Variants in SLC15A5 observed in about 807,000 individuals in gnomAD.
The protein encoded by SLC15A5 is solute carrier family 15 member 5.
Under a neutral mutation model 56.1 loss-of-function variants are expected in SLC15A5, and 58 were observed. The ratio of observed to expected loss-of-function variants is 1.03; its 90% CI spans 0.84 to 1.29. The LOEUF is 1.29. Ranked by LOEUF, SLC15A5 falls within the 50% of genes most tolerant of loss-of-function variation. SLC15A5 has a pLI of 0.00. For synonymous variants in SLC15A5, 264 were observed against 250.5 expected (o/e 1.05, Z -0.51); for missense variants, 681 against 672.1 (o/e 1.01, Z -0.15).
chr12:16,218,492 C>T (rs567006440), intron 6 of SLC15A5, among the ~76,000 whole-genome samples: 9 of 152,024 alleles, frequency 5.9e-5, no homozygotes, highest in African/African-American at 1.4e-4. Context: ...ATCGAGTATA[C>T]GTATACAAAC....
At chr12:16,244,231 G>C (rs1864439917) in intron 4 of SLC15A5, among the ~76,000 whole-genome samples, 1 of 152,144 alleles carries the variant, frequency 6.6e-6, no homozygotes, top group Non-Finnish European at 1.5e-5. Flanking sequence ...AGGGAGGAAG[G>C]CAAAACCTTT....
chr12:16,248,083 T>C (rs533369042), intron 3 of SLC15A5, among the ~76,000 whole-genome samples: 78 of 152,102 alleles, frequency 5.1e-4, no homozygotes, highest in African/African-American at 1.5e-3. Context: ...TCTACTTTTT[T>C]CCCCCTTAAA....
intron 2 of SLC15A5, among the ~76,000 whole-genome samples, chr12:16,260,579 T>C (rs977145004): frequency 6.6e-6 from 1 of 152,074 alleles, no homozygotes; most frequent in Admixed American, 6.5e-5. Context: ...ATACATGTTC[T>C]ACAAATGTTT....
chr12:16,260,307 A>G (rs1490453339), intron 2 of SLC15A5, among the ~76,000 whole-genome samples: 1 of 152,170 alleles, frequency 6.6e-6, no homozygotes, highest in East Asian at 1.9e-4. Context: ...AAGAAAACCC[A>G]GGAAATTCAT....
chr12:16,255,254 A>G (rs75007674), intron 3 of SLC15A5, among the ~76,000 whole-genome samples: 3 of 152,132 alleles, frequency 2.0e-5, no homozygotes, highest in Admixed American at 2.0e-4. Context: ...CACAATAAAT[A>G]CCACAACCCT....
chr12:16,217,829 G>A (rs1019961443), intron 6 of SLC15A5, among the ~76,000 whole-genome samples: 2 of 152,028 alleles, frequency 1.3e-5, no homozygotes, highest in African/African-American at 4.8e-5. Context: ...GTTCTCCAAA[G>A]TGGTTATCTT....
chr12:16,251,758 A>G (rs1190957253), intron 3 of SLC15A5, among the ~76,000 whole-genome samples: 1 of 148,606 alleles, frequency 6.7e-6, no homozygotes, highest in African/African-American at 2.5e-5. Context: ...AAGAATTAAC[A>G]CCTGTTTTTC....
rs142315433 is a variant in SLC15A5 at position 16,213,039 on chromosome 12, A to G, written c.1483+3854T>C. On this transcript the variant is annotated intron_variant, in intron 7 of 8. Coordinates refer to ENST00000344941, the MANE Select transcript of SLC15A5 (RefSeq NM_001170798.1). The stretch of plus-strand genomic sequence containing the variant: ...TCTGTTGGCATTCAGAGAGAGAGAG[A>G]GTCCAGGTTGATAAAAGTAACATAC... 1.3e-4 allele frequency among the ~76,000 whole-genome samples: 19 copies of G among 151,938 alleles called. No individual in the cohort carries two copies. In the East Asian group the frequency reaches 3.1e-3, roughly 25 times the overall value.
chr12:16,192,599 C>G (rs762546976), intron 8 of SLC15A5, among the ~76,000 whole-genome samples: 2 of 152,042 alleles, frequency 1.3e-5, no homozygotes, highest in Non-Finnish European at 2.9e-5. Flanking sequence ...CTGTTCAACT[C>G]TATTTCTCTA....
Position 16,188,749 on chromosome 12 carries a change from C to T in SLC15A5, c.*919G>A, listed in dbSNP as rs867849664. The T allele has an allele frequency of 7.2e-5, 11 of 152,172 alleles. No homozygotes were observed. The highest frequency in any genetic ancestry group is 2.7e-4 in the African/African-American group (11 of 41,446). 9.4% of individuals were successfully genotyped at this position (152,172 alleles called of 1,614,324 possible). ...TCTGTATAGGGGCCAGAAAGATTCA[C>T]CTGTAGCAAGTTGTCCTCAACCAAA... On this transcript the variant is annotated 3_prime_UTR_variant, in exon 9 of 9. Coordinates refer to ENST00000344941, the MANE Select transcript of SLC15A5 (RefSeq NM_001170798.1).
At chr12:16,213,026 C>CAGAG (rs76765674) in intron 7 of SLC15A5, among the ~76,000 whole-genome samples, 1 of 151,310 alleles carries the variant, frequency 6.6e-6, no homozygotes, top group Non-Finnish European at 1.5e-5. Context: ...TGTTGGCATT[C>CAGAG]AGAGAGAGAG....
intron 2 of SLC15A5, 97 bp downstream of exon 2, chr12:16,272,464 A>C: frequency 8.9e-7 from 1 of 1,122,630 alleles, no homozygotes; most frequent in Non-Finnish European, 1.3e-6. Flanking sequence ...AGCCCAATTC[A>C]TCACAAAGAC....
chr12:16,217,882 A>G (rs763191038), intron 6 of SLC15A5, among the ~76,000 whole-genome samples: 6 of 152,120 alleles, frequency 3.9e-5, no homozygotes, highest in Non-Finnish European at 8.8e-5. Context: ...TGATAGTAAC[A>G]AGAGGTTAAA....
intron 3 of SLC15A5, among the ~76,000 whole-genome samples, chr12:16,248,252 A>G (rs1422514409): frequency 6.6e-6 from 1 of 152,126 alleles, no homozygotes; most frequent in East Asian, 1.9e-4. Flanking sequence ...ATGCTTTTCA[A>G]GGTCAGGAGA....
Position 16,194,452 on chromosome 12 carries a change from G to C in SLC15A5, c.1485C>G (p.Gly495=), listed in dbSNP as rs1261779907. Residue 495 remains glycine, a splice_region_variant and synonymous_variant, in exon 8 of 9, where the codon GGC becomes GGG. Coordinates refer to ENST00000344941, the MANE Select transcript of SLC15A5 (RefSeq NM_001170798.1). ...TGTTTAATGTGTTTGGAAACCAATTGCCTGTTTGGAACAAATGTAATTGTT... is the reference window on the plus strand; with the variant it reads ...TGTTTAATGTGTTTGGAAACCAATTCCCTGTTTGGAACAAATGTAATTGTT... ...LVKLVYLISD[G]NWFPNTLNKG... The C allele has an allele frequency of 1.3e-6, 2 of 1,525,120 alleles. No homozygotes were observed. The highest frequency in any genetic ancestry group is 2.5e-5 in the East Asian group (1 of 40,780). The allele number at this position is 1,525,120 out of a possible 1,614,324, so 94.5% of individuals were successfully genotyped here. A position where few individuals can be genotyped will look rare whatever the true frequency, so the allele number is the denominator to read the frequency against.
chr12:16,239,073 C>A lies in SLC15A5; in HGVS notation c.1162+608G>T, dbSNP rs527413608. ...GAGTTCTCTGATTCTTAGATTGAAA[C>A]TTGTTTTACTGTACCCCCACTGTTC... On this transcript the variant is annotated intron_variant, in intron 5 of 8. Transcript: ENST00000344941. 2.0e-5 allele frequency among the ~76,000 whole-genome samples: 3 copies of A among 152,278 alleles called. No individual in the cohort carries two copies. In the East Asian group the frequency reaches 5.8e-4, roughly 29 times the overall value.
chr12:16,206,480 T>G (rs1455475079), intron 7 of SLC15A5, among the ~76,000 whole-genome samples: 2 of 152,202 alleles, frequency 1.3e-5, no homozygotes, highest in Non-Finnish European at 2.9e-5. Flanking sequence ...CTGAAGGAAA[T>G]AATACCTAAC....
intron 3 of SLC15A5, among the ~76,000 whole-genome samples, chr12:16,253,410 T>C (rs1259021248): frequency 6.6e-6 from 1 of 152,034 alleles, no homozygotes; most frequent in Admixed American, 6.6e-5. Flanking sequence ...ATCCAGAATA[T>C]ATAATGAACT....
Position 16,216,962 on chromosome 12 carries a change from T to A in SLC15A5, c.1414A>T (p.Thr472Ser), listed in dbSNP as rs1278279194. The A allele has an allele frequency of 6.5e-7, 1 of 1,536,830 alleles. No individual in the cohort carries two copies. The highest frequency in any genetic ancestry group is 1.2e-5 in the South Asian group (1 of 84,042). The change falls in exon 7 of 9, where the codon ACA becomes TCA. Residue 472 changes from threonine to serine, a missense_variant. Transcript: ENST00000344941. ...NVRGTSMNFL[T>S]LFNGFGCFTG... ...AAACAGCCAAATCCATTGAACAGTG[T>A]CAGAAAATTCATGGAGGTTCCTCTG...
Sources: allele counts gnomAD v4.1 joint callset (sites outside exome capture counted in the v4.1 genomes callset), GRCh38; gene constraint gnomAD v4.1.1; transcripts MANE v1.5; gene names NCBI Gene and HGNC (gene_info 2026-07-23, HGNC 2026-07-21).